The following OXR1 variants were observed in gnomAD, a reference collection of about 807,000 sequenced individuals.
OXR1 encodes oxidation resistance protein 1.
Under a neutral mutation model 104.6 loss-of-function variants are expected in OXR1, and 41 were observed. The observed-to-expected ratio is 0.39, with a 90% CI of 0.31 to 0.51. The LOEUF is 0.51. OXR1 is among the 20% of genes least tolerant of loss of function. OXR1 has a pLI of 0.77. For missense variants in OXR1, 955 were observed against 1,031.9 expected, an observed-to-expected ratio of 0.93 and a Z score of 1.02; for synonymous variants, 348 against 348.4, an observed-to-expected ratio of 1.00 and a Z score of 0.01.
rs1211185532 is a variant in OXR1, at chr8:106,684,290, C to T, written c.456C>T (p.Ser152=). ...PDPEYVSSVE[S]SPSLSPVSPL... is the part of the protein sequence containing the mutation. ...CTGAATATGTCTCCAGTGTTGAGAGCTCTCCATCTCTAAGCCCCGTAAGTC... is the reference window on the plus strand; with the variant it reads ...CTGAATATGTCTCCAGTGTTGAGAGTTCTCCATCTCTAAGCCCCGTAAGTC... The change falls in exon 6 of 17, where the codon AGC becomes AGT. Residue 152 remains serine (S), a synonymous_variant. Transcript: ENST00000517566. 1.2e-6 allele frequency: 2 copies of T among 1,609,544 alleles called. No individual in the cohort carries two copies. Among genetic ancestry groups the T allele is most frequent in the Admixed American group, 1.7e-5 (1 of 59,990 alleles).
intron 3 of OXR1, among the ~76,000 whole-genome samples, chr8:106,669,549 C>T (rs1234410670): frequency 6.6e-6 from 1 of 151,680 alleles, no homozygotes; most frequent in Non-Finnish European, 1.5e-5. Flanking sequence ...AAGCTACAAT[C>T]AGCAATCTGT....
chr8:106,527,438 G>C (rs900145229), intron 3 of OXR1, among the ~76,000 whole-genome samples: 1 of 152,030 alleles, frequency 6.6e-6, no homozygotes. Context: ...TTCATACTGC[G>C]CTTACCTTTC....
At chr8:106,710,221 T>C (rs1177539132) in intron 9 of OXR1, among the ~76,000 whole-genome samples, 1 of 152,148 alleles carries the variant, frequency 6.6e-6, no homozygotes, top group Admixed American at 6.6e-5. Flanking sequence ...ATGTTAAGTA[T>C]ACCTTTAAAA....
At chr8:106,494,670 T>C (rs1055706676) in intron 2 of OXR1, among the ~76,000 whole-genome samples, 7 of 152,218 alleles carry the variant, frequency 4.6e-5, no homozygotes, top group African/African-American at 1.7e-4. Context: ...CATTTATATA[T>C]AAACAAATCT....
At chr8:106,291,510 AC>A (rs1812750141) in intron 1 of OXR1, among the ~76,000 whole-genome samples, 1 of 152,224 alleles carries the variant, frequency 6.6e-6, no homozygotes, top group Non-Finnish European at 1.5e-5. Context: ...AAACAAAAAA[AC>A]AAGCACATAC....
intron 3 of OXR1, among the ~76,000 whole-genome samples, chr8:106,546,484 A>C (rs1272093937): frequency 6.6e-6 from 1 of 152,224 alleles, no homozygotes; most frequent in Admixed American, 6.5e-5. Context: ...TTATTTTGCC[A>C]AGGTAAAGGA....
intron 2 of OXR1, among the ~76,000 whole-genome samples, chr8:106,467,391 G>A (rs1821230368): frequency 6.6e-6 from 1 of 151,814 alleles, no homozygotes; most frequent in Admixed American, 6.6e-5. Flanking sequence ...GGGTCTCAAA[G>A]TTGCTTTTAC....
chr8:106,652,389 G>A (rs1478421511), intron 3 of OXR1, among the ~76,000 whole-genome samples: 1 of 152,024 alleles, frequency 6.6e-6, no homozygotes, highest in Non-Finnish European at 1.5e-5. Context: ...AAAACTCAAT[G>A]ATTTTGAAAG....
intron 1 of OXR1, among the ~76,000 whole-genome samples, chr8:106,345,730 C>G (rs918021938): frequency 1.3e-5 from 2 of 152,174 alleles, no homozygotes; most frequent in Non-Finnish European, 2.9e-5. Flanking sequence ...GCACATGGCT[C>G]TCTCTATAAT....
Position 106,412,370 on chromosome 8 carries a change from C to T in OXR1, c.23+52734C>T, listed in dbSNP as rs78387105. The stretch of plus-strand genomic sequence containing the variant: ...TGTCTCTGGGCCTGAAAGCCCATCT[C>T]TCAAACTGGGCTGTAAATATAAAAG... On this transcript the variant is annotated intron_variant, in intron 2 of 16. Coordinates refer to ENST00000517566, the MANE Select transcript of OXR1 (RefSeq NM_001198533.2). 0.021 allele frequency among the ~76,000 whole-genome samples: 3,207 copies of T among 152,242 alleles called. 276 individuals carry two copies. In the East Asian group the frequency reaches 0.28, roughly 13 times the overall value.
chr8:106,670,049 C>G (rs982299602), intron 3 of OXR1, among the ~76,000 whole-genome samples: 4 of 152,056 alleles, frequency 2.6e-5, no homozygotes, highest in African/African-American at 9.7e-5. Context: ...CTTTTTACCC[C>G]AGGGGTAGTG....
chr8:106,751,582 T>G lies in OXR1; in HGVS notation c.*641T>G, dbSNP rs1835891757. 1 of 152,584 alleles carries G rather than the reference T, an allele frequency of 6.6e-6. No homozygotes were observed. The allele number at this position is 152,584 out of a possible 1,614,324, so 9.5% of individuals were successfully genotyped here. A position where few individuals can be genotyped will look rare whatever the true frequency, so the allele number is the denominator to read the frequency against. On this transcript the variant is annotated 3_prime_UTR_variant, in exon 17 of 17. Transcript: ENST00000517566. ...TGGTTGTAATAGATGACAGTACATA[T>G]GATCTGCAGGTTTGGGCATATGCTT... is the stretch of plus-strand genomic sequence containing the variant.
At chr8:106,330,280 T>C (rs988100882) in intron 1 of OXR1, among the ~76,000 whole-genome samples, 1 of 152,242 alleles carries the variant, frequency 6.6e-6, no homozygotes, top group East Asian at 1.9e-4. Context: ...GACTTCTTTG[T>C]GTACTTGCCT....
At chr8:106,690,475 A>C (rs1056928343) in intron 6 of OXR1, among the ~76,000 whole-genome samples, 4 of 151,320 alleles carry the variant, frequency 2.6e-5, no homozygotes, top group Non-Finnish European at 5.9e-5. Context: ...ACTTTATAAT[A>C]GGACTTAGTG....
At chr8:106,497,130 A>G (rs1244020172) in intron 2 of OXR1, among the ~76,000 whole-genome samples, 1 of 152,200 alleles carries the variant, frequency 6.6e-6, no homozygotes, top group Non-Finnish European at 1.5e-5. Context: ...CGGGGAGAAA[A>G]GTTCATATCC....
At position 106,532,837 on chromosome 8, in the gene OXR1, A is replaced by T. The variant is rs188333142; in HGVS notation, c.220+13698A>T. 1.2e-4 allele frequency among the ~76,000 whole-genome samples: 19 copies of T among 152,358 alleles called. No homozygotes were observed. The East Asian group carries it at 3.3e-3, about 26-fold the overall frequency. Reference sequence around the variant, plus strand: ...AAAAGGATAAAATGCATAACAATAAATGAGTGTTGAAGCTATATGCCTTTT... The same window carrying T: ...AAAAGGATAAAATGCATAACAATAATTGAGTGTTGAAGCTATATGCCTTTT... On this transcript the variant is annotated intron_variant, in intron 3 of 16. Coordinates refer to ENST00000517566, the MANE Select transcript of OXR1 (RefSeq NM_001198533.2).
intron 2 of OXR1, among the ~76,000 whole-genome samples, chr8:106,512,852 A>G (rs1812627784): frequency 6.6e-6 from 1 of 152,180 alleles, no homozygotes; most frequent in Non-Finnish European, 1.5e-5. Context: ...TATAAGGGCT[A>G]AAAGTGAAGA....
intron 3 of OXR1, among the ~76,000 whole-genome samples, chr8:106,673,441 G>T (rs1446766324): frequency 1.3e-5 from 2 of 152,196 alleles, no homozygotes; most frequent in Non-Finnish European, 2.9e-5. Flanking sequence ...GATTCACAAA[G>T]AGATGGTTTG....
At chr8:106,638,761 C>G (rs1035121833) in intron 3 of OXR1, among the ~76,000 whole-genome samples, 1 of 152,036 alleles carries the variant, frequency 6.6e-6, no homozygotes, top group Non-Finnish European at 1.5e-5. Flanking sequence ...GGCGTGGTGG[C>G]ACGTGTCTGT....
Sources: allele counts gnomAD v4.1 joint callset (sites outside exome capture counted in the v4.1 genomes callset), GRCh38; gene constraint gnomAD v4.1.1; transcripts MANE v1.5; gene names NCBI Gene and HGNC (gene_info 2026-07-23, HGNC 2026-07-21).